PTPRG: variants seen among roughly 807,000 people sequenced by gnomAD.
PTPRG encodes receptor-type tyrosine-protein phosphatase gamma.
Under a neutral mutation model 165.3 loss-of-function variants are expected in PTPRG, and 102 were observed. The observed-to-expected ratio is 0.62, with a 90% CI of 0.53 to 0.73. The LOEUF (loss-of-function observed/expected upper bound fraction) is 0.73, where lower values mean the gene tolerates loss of function less well. Among genes scored for constraint, PTPRG ranks in the 30% least tolerant of loss-of-function variants. The pLI, the probability that PTPRG is intolerant of heterozygous loss-of-function variation, is 0.00. For missense variants in PTPRG, 1,866 were observed against 1,861.4 expected (o/e 1.00, Z -0.05); for synonymous variants, 675 against 669.5 (o/e 1.01, Z -0.13).
intron 8 of PTPRG, among the ~76,000 whole-genome samples, chr3:62,175,654 A>C (rs1421918130): frequency 6.6e-6 from 1 of 152,238 alleles, no homozygotes; most frequent in African/African-American, 2.4e-5. Context: ...ATGGTCCCTC[A>C]TCATGGAGTT....
In PTPRG at chr3:62,231,272, A is replaced by C. The variant is rs919565114; in HGVS notation, c.2336A>C (p.Glu779Ala). The C allele has an allele frequency of 1.3e-6, 2 of 1,596,744 alleles. No homozygotes were observed. The highest frequency in any genetic ancestry group is 2.7e-5 in the African/African-American group (2 of 74,240). ...AAGGGCTTTCCCAGACGTTTCCGTG[A>C]AGTGCCTTCTTCTGGGGAGAGAGGA... The part of the protein sequence containing the change: ...KSKGFPRRFR[E>A]VPSSGERGEK... Residue 779 changes from glutamate to alanine, a missense_variant, in exon 14 of 30, where the codon GAA (glutamate) becomes GCA (alanine). Glu to Ala is a moderately radical substitution (Grantham distance 107, BLOSUM62 -1). Coordinates refer to ENST00000474889, the MANE Select transcript of PTPRG (RefSeq NM_002841.4).
rs767479285 is a variant in PTPRG at position 61,894,301 on chromosome 3, C to CAAAAAAAA, written c.191-95298_191-95291dup. Among the ~76,000 whole-genome samples the CAAAAAAAA allele has an allele frequency of 3.4e-3, 170 of 49,848 alleles. 24 individuals carry two copies. The highest frequency in any genetic ancestry group is 6.7e-3 in the East Asian group (7 of 1,040). 32.7% of individuals were successfully genotyped at this position (49,848 alleles called of 152,430 possible). A position where few individuals can be genotyped will look rare whatever the true frequency, so the allele number is the denominator to read the frequency against. ...CGGGCAACAGAGCAAGACTCTGTGTCAAAAAAAAAAAAAAAAAAAAAAAAA... is the reference window on the plus strand; with the variant it reads ...CGGGCAACAGAGCAAGACTCTGTGTCAAAAAAAAAAAAAAAAAAAAAAAAAAAAAAAAA... On this transcript the variant is annotated intron_variant, in intron 2 of 29. Transcript: ENST00000474889.
At chr3:62,290,516 G>C (rs893318004) in intron 28 of PTPRG, among the ~76,000 whole-genome samples, 15 of 152,116 alleles carry the variant, frequency 9.9e-5, no homozygotes, top group African/African-American at 3.6e-4. Flanking sequence ...ACAGAAACTT[G>C]CTTTATCAGA....
intron 2 of PTPRG, among the ~76,000 whole-genome samples, chr3:61,815,718 A>G (rs2035741168): frequency 6.6e-6 from 1 of 152,236 alleles, no homozygotes; most frequent in Non-Finnish European, 1.5e-5. Flanking sequence ...TGAAAGATAC[A>G]GTGGCTGTTT....
At chr3:61,952,676 C>G (rs1227502466) in intron 2 of PTPRG, among the ~76,000 whole-genome samples, 1 of 152,136 alleles carries the variant, frequency 6.6e-6, no homozygotes, top group African/African-American at 2.4e-5. Flanking sequence ...ACCTTTAAAC[C>G]TGTTCCTCAT....
intron 5 of PTPRG, among the ~76,000 whole-genome samples, chr3:62,121,422 A>C (rs1703067950): frequency 6.6e-6 from 1 of 152,180 alleles, no homozygotes; most frequent in African/African-American, 2.4e-5. Flanking sequence ...TTGAGGCACA[A>C]CTAGATTGTA....
At chr3:61,911,443 G>C (rs561713388) in intron 2 of PTPRG, among the ~76,000 whole-genome samples, 1 of 151,854 alleles carries the variant, frequency 6.6e-6, no homozygotes, top group Non-Finnish European at 1.5e-5. Context: ...TTTCCATTTG[G>C]GACTACTTTT....
intron 8 of PTPRG, among the ~76,000 whole-genome samples, chr3:62,186,508 G>A (rs549318121): frequency 7.2e-5 from 11 of 151,852 alleles, no homozygotes; most frequent in African/African-American, 2.4e-4. Flanking sequence ...AGGAGGACAC[G>A]GGTGGCCCAT....
At chr3:61,811,476 C>T (rs1212971431) in intron 2 of PTPRG, among the ~76,000 whole-genome samples, 1 of 152,174 alleles carries the variant, frequency 6.6e-6, no homozygotes, top group African/African-American at 2.4e-5. Flanking sequence ...ACTAATATGT[C>T]TGCTCTTTGG....
At chr3:62,151,298 A>C (rs1424102722) in intron 6 of PTPRG, among the ~76,000 whole-genome samples, 1 of 152,224 alleles carries the variant, frequency 6.6e-6, no homozygotes, top group African/African-American at 2.4e-5. Flanking sequence ...TCATCTTCAG[A>C]TATAAACCCT....
chr3:62,280,231 C>A (rs916690911), intron 26 of PTPRG, among the ~76,000 whole-genome samples: 4 of 152,118 alleles, frequency 2.6e-5, no homozygotes, highest in African/African-American at 9.6e-5. Context: ...CAAAAAAGTT[C>A]TATCCCTTAC....
chr3:61,697,053 A>G (rs542286931), intron 1 of PTPRG, among the ~76,000 whole-genome samples: 2 of 152,342 alleles, frequency 1.3e-5, no homozygotes, highest in Non-Finnish European at 2.9e-5. Context: ...TTGAGAAAAC[A>G]GCAGAAGCAG....
chr3:62,268,126 C>T (rs569059088), intron 19 of PTPRG, among the ~76,000 whole-genome samples: 4 of 151,752 alleles, frequency 2.6e-5, no homozygotes, highest in East Asian at 3.9e-4. Flanking sequence ...ACAATGATTA[C>T]GAGGAATTAC....
At chr3:62,216,546 C>G (rs768519177) in intron 12 of PTPRG, among the ~76,000 whole-genome samples, 1 of 151,944 alleles carries the variant, frequency 6.6e-6, no homozygotes, top group Admixed American at 6.6e-5. Context: ...ATTCCCCCCC[C>G]TCCCCCACCA....
intron 1 of PTPRG, among the ~76,000 whole-genome samples, chr3:61,638,807 G>T (rs1349755843): frequency 6.6e-6 from 1 of 151,890 alleles, no homozygotes; most frequent in African/African-American, 2.4e-5. Flanking sequence ...ATAGATTCTG[G>T]ATATTAGATA....
intron 5 of PTPRG, among the ~76,000 whole-genome samples, chr3:62,109,889 G>T (rs1469318172): frequency 6.6e-6 from 1 of 152,084 alleles, no homozygotes; most frequent in African/African-American, 2.4e-5. Flanking sequence ...ACTCCACAGA[G>T]TTTCTTCATC....
At chr3:62,258,805 AACTT>A (rs1246774419) in intron 16 of PTPRG, among the ~76,000 whole-genome samples, 2 of 152,198 alleles carry the variant, frequency 1.3e-5, no homozygotes, top group African/African-American at 4.8e-5. Flanking sequence ...TACCTGAGCT[AACTT>A]CAACCTCATT....
chr3:62,161,558 C>T (rs1704761638), intron 7 of PTPRG, among the ~76,000 whole-genome samples: 1 of 152,132 alleles, frequency 6.6e-6, no homozygotes, highest in South Asian at 2.1e-4. Flanking sequence ...ACATGACGTG[C>T]AGTGCATGTG....
intron 4 of PTPRG, among the ~76,000 whole-genome samples, chr3:62,074,352 C>CTTTTTTTTTTTTT (rs200189646): frequency 7.8e-4 from 85 of 109,090 alleles, no homozygotes; most frequent in Non-Finnish European, 1.2e-3. Flanking sequence ...TCTTTTCTTT[C>CTTTTTTTTTTTTT]TTTTTTTTTT....
Sources: gnomAD v4.1 joint callset for allele counts (sites outside exome capture counted in the v4.1 genomes callset) on GRCh38, gnomAD v4.1.1 for gene constraint, MANE v1.5 for transcripts, NCBI Gene and HGNC (gene_info 2026-07-23, HGNC 2026-07-21) for gene names.